Variants in MLC1 observed in about 807,000 individuals in gnomAD.
MLC1 encodes the protein membrane protein MLC1.
In MLC1, 32 loss-of-function variants were observed where a neutral mutation model predicts 44.7. That is an observed-to-expected ratio of 0.72 (90% CI 0.54 to 0.96). MLC1 has a LOEUF of 0.96. MLC1 is among the 40% of genes least tolerant of loss of function. MLC1 has a pLI of 0.00. For synonymous variants in MLC1, 190 were observed against 213.0 expected, an observed-to-expected ratio of 0.89 and a Z score of 0.94; for missense variants, 459 against 492.2, an observed-to-expected ratio of 0.93 and a Z score of 0.64.
At chr22:50,077,533 G>A (rs2062015376) in intron 5 of MLC1, 31 bp from the exon 6 acceptor site, 2 of 1,576,086 alleles carry the variant, frequency 1.3e-6, no homozygotes, top group Non-Finnish European at 8.7e-7. Context: ...TTCAGCACCG[G>A]GCCCGCCTTT....
intron 1 of MLC1, 100 bp from the exon 2 acceptor site, chr22:50,085,061 A>C: frequency 6.8e-7 from 1 of 1,463,746 alleles, no homozygotes; most frequent in Non-Finnish European, 9.1e-7. Flanking sequence ...TTCATACTGA[A>C]GTGCTCTAAA....
chr22:50,068,009 C>T (rs902229668), intron 10 of MLC1, among the ~76,000 whole-genome samples: 29 of 151,938 alleles, frequency 1.9e-4, no homozygotes, highest in Admixed American at 1.4e-3. Flanking sequence ...CATCTAGCTA[C>T]ACGTGCCTGA....
chr22:50,080,390 G>C lies in MLC1; in HGVS notation c.275C>G (p.Pro92Arg). 1 of 1,604,328 alleles carries C rather than the reference G, an allele frequency of 6.2e-7. No individual in the cohort carries two copies. Among genetic ancestry groups the C allele is most frequent in the South Asian group, 1.1e-5 (1 of 89,046 alleles). The change falls in exon 4 of 12, where the codon CCC (proline) becomes CGC (arginine). Residue 92 changes from proline to arginine, a missense_variant. Coordinates refer to ENST00000311597, the MANE Select transcript of MLC1 (RefSeq NM_015166.4). The part of the protein sequence containing the change: ...YLRCAAGSCI[P>R]SAIVSFTVSR... The stretch of plus-strand genomic sequence containing the variant: ...GACGGTGAAGCTCACAATTGCCGAG[G>C]GGATGCACTGGAATGAAACCGGAAT...
In MLC1 at chr22:50,083,887, G is replaced by A. The variant is rs1602066877; in HGVS notation, c.178-714C>T. Among the ~76,000 whole-genome samples the A allele has an allele frequency of 6.6e-6, 1 of 152,110 alleles. No individual in the cohort carries two copies. Among genetic ancestry groups the A allele is most frequent in the Non-Finnish European group, 1.5e-5 (1 of 67,990 alleles). ...TGCGACCAAGTCCAGGGCACCAGGT[G>A]GAGGAGGGCAGAGCCCGGAGATGGC... On this transcript the variant is annotated intron_variant, in intron 2 of 11. Coordinates refer to ENST00000311597, the MANE Select transcript of MLC1 (RefSeq NM_015166.4). This position sits in a 1 kb window ranked among gnomAD's most constrained non-coding sequence, Gnocchi z 4.6.
intron 3 of MLC1, among the ~76,000 whole-genome samples, chr22:50,081,167 C>A (rs181752946): frequency 6.6e-6 from 1 of 151,900 alleles, no homozygotes; most frequent in Non-Finnish European, 1.5e-5. Flanking sequence ...TAGTGAAACC[C>A]CATCTCTACT....
chr22:50,082,277 C>T (rs927676925), intron 3 of MLC1, among the ~76,000 whole-genome samples: 1 of 151,932 alleles, frequency 6.6e-6, no homozygotes, highest in Non-Finnish European at 1.5e-5. Flanking sequence ...CCATGGCTTG[C>T]GGGCCAGAGC....
upstream of MLC1, chr22:50,085,796 T>G (rs960071758): frequency 1.4e-5 from 2 of 147,956 alleles, no homozygotes; most frequent in African/African-American, 5.0e-5. Context: ...CACATAAGCA[T>G]TCACGCACTC....
chr22:50,064,340 T>G (rs2061658532), intron 10 of MLC1, 142 bp from the exon 11 acceptor site: 3 of 905,702 alleles, frequency 3.3e-6, no homozygotes, highest in Non-Finnish European at 5.2e-6. Context: ...CGCATTGCTA[T>G]TTCAACAACC....
intron 8 of MLC1, among the ~76,000 whole-genome samples, chr22:50,073,362 G>A (rs903026880): frequency 6.6e-6 from 1 of 152,252 alleles, no homozygotes. Context: ...AACCTCGTGG[G>A]GTCTGCGTCC....
intron 10 of MLC1, among the ~76,000 whole-genome samples, chr22:50,067,915 T>C (rs1182414236): frequency 6.6e-6 from 1 of 150,722 alleles, no homozygotes; most frequent in Non-Finnish European, 1.5e-5. Context: ...TTAATACAGG[T>C]CTTCTAATGA....
chr22:50,079,389 A>G (rs1328535632), intron 5 of MLC1, among the ~76,000 whole-genome samples: 2 of 149,442 alleles, frequency 1.3e-5, no homozygotes, highest in Non-Finnish European at 3.0e-5. Context: ...GACATACTCA[A>G]GCCTCCTCCA....
At chr22:50,068,295 C>A in intron 10 of MLC1, 138 bp downstream of exon 10, 2 of 1,313,144 alleles carry the variant, frequency 1.5e-6, no homozygotes, top group African/African-American at 1.5e-5. Context: ...CACCGCTGCC[C>A]AGGAACAGCG....
At position 50,083,067 on chromosome 22, in the gene MLC1, T is replaced by C; in HGVS notation, c.267+17A>G. Reference sequence around the variant, plus strand: ...GCGAGCTTGGGCACTGGCAGAGGCGTGGAGGAAGCTGCTTACAGAGCCTGC... The same window carrying C: ...GCGAGCTTGGGCACTGGCAGAGGCGCGGAGGAAGCTGCTTACAGAGCCTGC... On this transcript the variant is annotated intron_variant, in intron 3 of 11. Transcript: ENST00000311597. This position sits in a 1 kb window ranked among gnomAD's most constrained non-coding sequence, Gnocchi z 4.6. The C allele has an allele frequency of 1.2e-6, 2 of 1,612,874 alleles. No individual in the cohort carries two copies. The highest frequency in any genetic ancestry group is 1.7e-6 in the Non-Finnish European group (2 of 1,179,100).
At chr22:50,065,641 A>G (rs562448784) in intron 10 of MLC1, among the ~76,000 whole-genome samples, 1 of 152,288 alleles carries the variant, frequency 6.6e-6, no homozygotes, top group South Asian at 2.1e-4. Context: ...CCACATTGAG[A>G]CGGAGGTGCT....
intron 10 of MLC1, among the ~76,000 whole-genome samples, chr22:50,067,854 C>T (rs2061749046): frequency 6.6e-6 from 1 of 150,922 alleles, no homozygotes; most frequent in Non-Finnish European, 1.5e-5. Flanking sequence ...CCCCATCAGG[C>T]AGTGACTCCA....
At chr22:50,072,978 G>A (rs1192529567) in intron 8 of MLC1, among the ~76,000 whole-genome samples, 2 of 152,286 alleles carry the variant, frequency 1.3e-5, no homozygotes, top group African/African-American at 4.8e-5. Flanking sequence ...CTGAAACACA[G>A]CTGCTGCCAA....
intron 3 of MLC1, among the ~76,000 whole-genome samples, chr22:50,081,021 G>GAAAGAAAGAAAGAAAGAAAGAA (rs1555967996): frequency 2.4e-4 from 34 of 143,580 alleles, no homozygotes; most frequent in East Asian, 1.2e-3. Context: ...AAGAAAGAAA[G>GAAAGAAAGAAAGAAAGAAAGAA]AAAGAAAGAA....
At chr22:50,067,110 T>C (rs1461171377) in intron 10 of MLC1, among the ~76,000 whole-genome samples, 2 of 152,068 alleles carry the variant, frequency 1.3e-5, no homozygotes, top group African/African-American at 4.8e-5. Flanking sequence ...TAAGACAACA[T>C]GAAGTAGGAG....
chr22:50,078,133 C>G (rs1363857222), intron 5 of MLC1, among the ~76,000 whole-genome samples: 1 of 151,710 alleles, frequency 6.6e-6, no homozygotes, highest in Non-Finnish European at 1.5e-5. Flanking sequence ...GCTGGGGTTA[C>G]AGGCACCTAC....
Sources: gnomAD v4.1 joint callset for allele counts (sites outside exome capture counted in the v4.1 genomes callset) on GRCh38, gnomAD v4.1.1 for gene constraint, Gnocchi (gnomAD v3.1) non-coding constraint, MANE v1.5 for transcripts, NCBI Gene and HGNC (gene_info 2026-07-23, HGNC 2026-07-21) for gene names.